Variants in ETF1 observed in about 807,000 individuals in gnomAD.
The protein encoded by ETF1 is eukaryotic translation termination factor 1, also known as eukaryotic peptide chain release factor subunit 1.
A neutral mutation model predicts 55.1 loss-of-function variants in ETF1; 4 were observed. The ratio of observed to expected loss-of-function variants is 0.07; its 90% CI spans 0.04 to 0.17. ETF1 has a LOEUF of 0.17. ETF1 is among the 10% of genes least tolerant of loss of function. The pLI, the probability that ETF1 is intolerant of heterozygous loss-of-function variation, is 1.00. For missense variants in ETF1, 142 were observed against 523.6 expected (o/e 0.27, Z 7.11); for synonymous variants, 157 against 182.3 (o/e 0.86, Z 1.12).
At chr5:138,511,912 G>C in intron 6 of ETF1, 1 of 984,964 alleles carries the variant, frequency 1.0e-6, no homozygotes, top group Non-Finnish European at 1.2e-6. Flanking sequence ...TAGAGGTTAA[G>C]ACGGGCTGGG....
At chr5:138,531,979 G>C (rs1470871050) in intron 2 of ETF1, among the ~76,000 whole-genome samples, 2 of 152,114 alleles carry the variant, frequency 1.3e-5, no homozygotes, top group African/African-American at 2.4e-5. Flanking sequence ...CCGGGAGGCG[G>C]AGCTTGCAGT....
At chr5:138,520,794 G>C (rs1765202535) in intron 2 of ETF1, among the ~76,000 whole-genome samples, 1 of 152,260 alleles carries the variant, frequency 6.6e-6, no homozygotes, top group South Asian at 2.1e-4. Flanking sequence ...ACTCCAGCCT[G>C]GGCAACAGTA....
At chr5:138,511,451 T>C (rs1436283155) in intron 7 of ETF1, 24 bp downstream of exon 7, 8 of 1,610,594 alleles carry the variant, frequency 5.0e-6, no homozygotes, top group Non-Finnish European at 6.8e-6. Flanking sequence ...TTTCACAGAA[T>C]AAGTAGTTGC....
intron 2 of ETF1, among the ~76,000 whole-genome samples, chr5:138,524,639 G>A (rs1161347222): frequency 2.0e-4 from 29 of 147,576 alleles, no homozygotes; most frequent in African/African-American, 6.8e-4. Flanking sequence ...GTGCAGTGGC[G>A]CGATCTCGGC....
chr5:138,513,264 C>T, intron 5 of ETF1: 6 of 957,250 alleles, frequency 6.3e-6, no homozygotes, highest in Non-Finnish European at 7.5e-6. Context: ...CAGAGTCTCA[C>T]TCTGTCGCCC....
chr5:138,531,850 C>T (rs909884021), intron 2 of ETF1, among the ~76,000 whole-genome samples: 16 of 152,182 alleles, frequency 1.1e-4, no homozygotes, highest in South Asian at 4.1e-4. Flanking sequence ...ATTGAGATCA[C>T]CCTGGCTAAC....
At chr5:138,512,730 G>A in intron 6 of ETF1, 34 bp downstream of exon 6, 1 of 1,548,240 alleles carries the variant, frequency 6.5e-7, no homozygotes, top group Non-Finnish European at 8.7e-7. Context: ...CCTACCTAGG[G>A]TCTTACATAA....
intron 2 of ETF1, among the ~76,000 whole-genome samples, chr5:138,525,087 T>A (rs1023553771): frequency 6.6e-6 from 1 of 152,064 alleles, no homozygotes; most frequent in African/African-American, 2.4e-5. Context: ...CGAGAAGTAG[T>A]AATTTGTGTT....
intron 2 of ETF1, chr5:138,541,377 G>A: frequency 1.6e-6 from 1 of 608,000 alleles, no homozygotes; most frequent in Non-Finnish European, 2.9e-6. Context: ...CGCTGTCTTC[G>A]ATTCATATTA....
At chr5:138,511,403 T>TACACACAC (rs71574422) in intron 7 of ETF1, 72 bp downstream of exon 7, 30 of 968,072 alleles carry the variant, frequency 3.1e-5, no homozygotes, top group Non-Finnish European at 3.8e-5. Context: ...CACACACACA[T>TACACACAC]ACACACACAC....
intron 8 of ETF1, 113 bp from the exon 9 acceptor site, chr5:138,510,742 A>G: frequency 7.1e-7 from 1 of 1,412,458 alleles, no homozygotes; most frequent in Non-Finnish European, 9.5e-7. Context: ...ATCTCTCAAC[A>G]TTTTTTCCAT....
intron 2 of ETF1, among the ~76,000 whole-genome samples, chr5:138,519,903 C>T (rs972969017): frequency 8.0e-5 from 12 of 150,316 alleles, no homozygotes; most frequent in African/African-American, 2.5e-4. Flanking sequence ...TGTCTCATTG[C>T]GGTTTTGATT....
At chr5:138,512,016 T>C in intron 6 of ETF1, 1 of 340,524 alleles carries the variant, frequency 2.9e-6, no homozygotes, top group Non-Finnish European at 4.1e-6. Context: ...CTAGGCAACA[T>C]GGTGAAACCC....
At chr5:138,524,396 T>C (rs1765369572) in intron 2 of ETF1, among the ~76,000 whole-genome samples, 1 of 151,450 alleles carries the variant, frequency 6.6e-6, no homozygotes, top group Admixed American at 6.6e-5. Flanking sequence ...GACCTGTCTC[T>C]ACAAAAATTA....
chr5:138,536,044 C>T (rs1441551489), intron 2 of ETF1, among the ~76,000 whole-genome samples: 3 of 152,002 alleles, frequency 2.0e-5, no homozygotes, highest in Admixed American at 6.6e-5. Flanking sequence ...CATATTTCTT[C>T]CAAAATGTCT....
intron 2 of ETF1, chr5:138,542,578 G>A: frequency 1.5e-6 from 2 of 1,355,990 alleles, no homozygotes; most frequent in Non-Finnish European, 1.9e-6. Flanking sequence ...AAAAGTAGCG[G>A]TGGCCTACCA....
At chr5:138,510,729 T>G (rs1741392929) in intron 8 of ETF1, 100 bp from the exon 9 acceptor site, 1 of 1,464,644 alleles carries the variant, frequency 6.8e-7, no homozygotes, top group African/African-American at 1.4e-5. Context: ...GCTCAGGGAC[T>G]CAATCTCTCA....
rs1356282866 is a variant in ETF1 at position 138,543,135 on chromosome 5, C to CCGGCGGCGGCTCCGCGG, written c.-74_-58dup. 8.6e-6 allele frequency: 5 copies of CCGGCGGCGGCTCCGCGG among 581,800 alleles called. No individual in the cohort carries two copies. Among genetic ancestry groups the CCGGCGGCGGCTCCGCGG allele is most frequent in the Non-Finnish European group, 1.5e-5 (5 of 333,316 alleles). 36.0% of individuals were successfully genotyped at this position (581,800 alleles called of 1,614,324 possible). A position where few individuals can be genotyped will look rare whatever the true frequency, so the allele number is the denominator to read the frequency against. On this transcript the variant is annotated 5_prime_UTR_variant, in exon 1 of 11. The change abolishes the stop of an existing upstream ORF in the 5' untranslated region. Coordinates refer to ENST00000360541, the MANE Select transcript of ETF1 (RefSeq NM_004730.4). ...CCTGGGCGGCAGCGGCTGCTCCTCC[C>CCGGCGGCGGCTCCGCGG]CGGCGGCGGCTCCGCGGCGGCGGCG...
intron 2 of ETF1, among the ~76,000 whole-genome samples, chr5:138,538,266 T>G (rs1260296840): frequency 7.3e-6 from 1 of 136,174 alleles, no homozygotes; most frequent in Non-Finnish European, 1.6e-5. Flanking sequence ...CCCGGCTCAC[T>G]GCAACCTACG....
Sources: gnomAD v4.1 joint callset for allele counts (sites outside exome capture counted in the v4.1 genomes callset) on GRCh38, gnomAD v4.1.1 for gene constraint, MANE v1.5 for transcripts, NCBI Gene and HGNC (gene_info 2026-07-23, HGNC 2026-07-21) for gene names.